The following TCP11L1 variants were observed in gnomAD, a reference collection of about 807,000 sequenced individuals.
TCP11L1 encodes T-complex protein 11-like protein 1.
Under a neutral mutation model 48.9 loss-of-function variants are expected in TCP11L1, and 28 were observed. The ratio of observed to expected loss-of-function variants is 0.57; its 90% CI spans 0.42 to 0.78. The LOEUF (loss-of-function observed/expected upper bound fraction) is 0.78. Among genes scored for constraint, TCP11L1 ranks in the 30% least tolerant of loss-of-function variants. The pLI, the probability that TCP11L1 is intolerant of heterozygous loss-of-function variation, is 0.00. For missense variants in TCP11L1, 505 were observed against 613.4 expected (o/e 0.82, Z 1.87); for synonymous variants, 204 against 231.9 (o/e 0.88, Z 1.09).
chr11:33,058,563 A>AAG (rs35489209), intron 5 of TCP11L1, among the ~76,000 whole-genome samples: 1 of 151,546 alleles, frequency 6.6e-6, no homozygotes, highest in Non-Finnish European at 1.5e-5. Context: ...AAAAAAAAAA[A>AAG]TTTGTAAAAT....
chr11:33,045,762 C>A (rs149100374), intron 2 of TCP11L1, among the ~76,000 whole-genome samples: 1 of 152,032 alleles, frequency 6.6e-6, no homozygotes, highest in African/African-American at 2.4e-5. Context: ...AAAGTGGGTC[C>A]GGGGGCCAAT....
chr11:33,067,706 A>T (rs992908107), intron 8 of TCP11L1, among the ~76,000 whole-genome samples: 2 of 152,136 alleles, frequency 1.3e-5, no homozygotes, highest in East Asian at 3.9e-4. Flanking sequence ...GGTGAGTGCC[A>T]GGGCTTGCTC....
rs769059173 is a variant in TCP11L1, at chr11:33,065,970, C to G, written c.1113C>G (p.Leu371=). 10 of 1,614,026 alleles carry G rather than the reference C, an allele frequency of 6.2e-6. No individual in the cohort carries two copies. In the African/African-American group the frequency reaches 1.1e-4, roughly 17 times the overall value. The change falls in exon 8 of 10, where the codon CTC becomes CTG. Residue 371 remains leucine, a synonymous_variant. Coordinates refer to ENST00000334274, the MANE Select transcript of TCP11L1 (RefSeq NM_018393.4). ...ISSQADFAEK[L]KMIVKILLTD... ...GCCAGGCCGACTTTGCTGAGAAACT[C>G]AAGATGATTGTGAAGATTTTGCTAA...
At chr11:33,061,474 C>G in intron 6 of TCP11L1, 56 bp from the exon 7 acceptor site, 1 of 1,487,986 alleles carries the variant, frequency 6.7e-7, no homozygotes, top group Non-Finnish European at 9.0e-7. Flanking sequence ...TTAAGTAATT[C>G]CGAGAAGCAT....
At chr11:33,059,410 T>G (rs914486203) in intron 6 of TCP11L1, among the ~76,000 whole-genome samples, 10 of 152,232 alleles carry the variant, frequency 6.6e-5, no homozygotes, top group African/African-American at 9.6e-5. Context: ...TTGGTCTTGA[T>G]TTTTGAAAAC....
At chr11:33,059,467 T>C (rs1241597614) in intron 6 of TCP11L1, among the ~76,000 whole-genome samples, 1 of 152,242 alleles carries the variant, frequency 6.6e-6, no homozygotes. Context: ...TCTCCCTGTG[T>C]GGCACAGCAG....
At chr11:33,046,690 A>G (rs1854004668) in intron 2 of TCP11L1, among the ~76,000 whole-genome samples, 1 of 152,226 alleles carries the variant, frequency 6.6e-6, no homozygotes, top group Admixed American at 6.5e-5. Flanking sequence ...AGATAAAGCT[A>G]AGACCTCATT....
At chr11:33,067,997 G>C (rs2133746205) in intron 8 of TCP11L1, among the ~76,000 whole-genome samples, 1 of 151,808 alleles carries the variant, frequency 6.6e-6, no homozygotes, top group African/African-American at 2.4e-5. Context: ...CGTGATCTCG[G>C]CGTCCACTTC....
At chr11:33,058,866 G>A in intron 5 of TCP11L1, 93 bp from the exon 6 acceptor site, 2 of 1,426,508 alleles carry the variant, frequency 1.4e-6, no homozygotes, top group South Asian at 1.3e-5. Context: ...AAAGTGTTGG[G>A]ATTACAGGTG....
At chr11:33,051,156 G>A (rs1311262189) in intron 2 of TCP11L1, among the ~76,000 whole-genome samples, 2 of 151,900 alleles carry the variant, frequency 1.3e-5, no homozygotes, top group East Asian at 3.9e-4. Context: ...TTGAGAGAAG[G>A]ATCTAGAGTA....
At chr11:33,062,153 T>C (rs755618161) in intron 7 of TCP11L1, among the ~76,000 whole-genome samples, 1 of 152,180 alleles carries the variant, frequency 6.6e-6, no homozygotes, top group African/African-American at 2.4e-5. Context: ...ATATAATTCA[T>C]GTACCAGAAG....
chr11:33,061,436 A>G (rs1854462607), intron 6 of TCP11L1, 94 bp from the exon 7 acceptor site: 1 of 1,226,570 alleles, frequency 8.2e-7, no homozygotes, highest in Non-Finnish European at 1.1e-6. Flanking sequence ...TTTATACTTT[A>G]TCACTCCACC....
Position 33,059,114 on chromosome 11 carries a change from G to A in TCP11L1, c.775+19G>A. 3.7e-6 allele frequency: 6 copies of A among 1,609,906 alleles called. No homozygotes were observed. Among genetic ancestry groups the A allele is most frequent in the Non-Finnish European group, 5.1e-6 (6 of 1,178,312 alleles). On this transcript the variant is annotated intron_variant, in intron 6 of 9. Transcript: ENST00000334274. ...CAACCAAGTATGTTGAATATTTTGT[G>A]GTACTTTTTTTGTTGTCTGTGGTTT... is the stretch of plus-strand genomic sequence containing the variant.
chr11:33,044,125 A>C, intron 2 of TCP11L1, 189 bp downstream of exon 2: 1 of 525,650 alleles, frequency 1.9e-6, no homozygotes, highest in Non-Finnish European at 3.2e-6. Flanking sequence ...ATTGCATGGG[A>C]AATTAACAAT....
chr11:33,045,183 C>T (rs1032536066), intron 2 of TCP11L1, among the ~76,000 whole-genome samples: 5 of 151,590 alleles, frequency 3.3e-5, no homozygotes, highest in African/African-American at 1.2e-4. Context: ...AATGAGACCC[C>T]ATCTCTACAA....
chr11:33,051,502 T>A (rs1854161022), intron 2 of TCP11L1, among the ~76,000 whole-genome samples: 1 of 152,122 alleles, frequency 6.6e-6, no homozygotes, highest in African/African-American at 2.4e-5. Flanking sequence ...ACCATTTGAT[T>A]AAAAACAAAC....
At chr11:33,050,740 A>T (rs562447211) in intron 2 of TCP11L1, among the ~76,000 whole-genome samples, 1 of 151,936 alleles carries the variant, frequency 6.6e-6, no homozygotes, top group Non-Finnish European at 1.5e-5. Context: ...TCCATTTTTT[A>T]TTTTGTAGTT....
chr11:33,071,008 A>G (rs1471491801), intron 9 of TCP11L1, among the ~76,000 whole-genome samples: 4 of 148,976 alleles, frequency 2.7e-5, no homozygotes, highest in Non-Finnish European at 1.5e-5. Context: ...CTCAAAAAAG[A>G]AAAAAAAAAG....
chr11:33,072,375 C>G (rs1854818470), intron 9 of TCP11L1, 99 bp from the exon 10 acceptor site: 1 of 1,276,460 alleles, frequency 7.8e-7, no homozygotes, highest in Non-Finnish European at 1.1e-6. Context: ...TCGGGGACAA[C>G]TTCCCCTAAG....
Sources: allele counts gnomAD v4.1 joint callset (sites outside exome capture counted in the v4.1 genomes callset), GRCh38; gene constraint gnomAD v4.1.1; transcripts MANE v1.5; gene names NCBI Gene and HGNC (gene_info 2026-07-23, HGNC 2026-07-21).